The following TCTN3 variants were observed in gnomAD, a reference collection of about 807,000 sequenced individuals.
TCTN3 encodes the protein tectonic family member 3.
TCTN3 carries 57 observed loss-of-function variants against 71.3 expected under a neutral mutation model. That is an observed-to-expected ratio of 0.80 (90% CI 0.65 to 1.00). TCTN3 has a LOEUF of 1.00. TCTN3 is among the 50% of genes least tolerant of loss of function. The pLI is 0.00. For synonymous variants in TCTN3, 258 were observed against 267.8 expected (o/e 0.96, Z 0.36); for missense variants, 696 against 719.9 (o/e 0.97, Z 0.38).
rs972914705 is a variant in TCTN3 at position 95,693,545 on chromosome 10, C to T, written c.257-69G>A. ...ACTCTCCCAGGTGCTCACCCTCCTT[C>T]TTCCGACAGCCCCACTCCTGCTTTG... On this transcript the variant is annotated intron_variant, in intron 1 of 13. Transcript: ENST00000371217. 1.9e-6 allele frequency: 3 copies of T among 1,549,472 alleles called. No homozygotes were observed. The Admixed American group carries it at 5.9e-5, about 31-fold the overall frequency.
At chr10:95,693,081 G>C in intron 2 of TCTN3, 43 bp from the exon 3 acceptor site, 1 of 1,472,410 alleles carries the variant, frequency 6.8e-7, no homozygotes, top group Non-Finnish European at 9.3e-7. Flanking sequence ...AGAAGGGGCG[G>C]GGCAGGTCCA....
intron 13 of TCTN3, among the ~76,000 whole-genome samples, chr10:95,664,758 C>A (rs1395391783): frequency 6.6e-6 from 1 of 152,192 alleles, no homozygotes; most frequent in African/African-American, 2.4e-5. Context: ...CCACCACCCA[C>A]CAATTCATGC....
rs1176176598 is a variant in TCTN3, at chr10:95,663,553, A to T, written c.*514T>A. Reference sequence around the variant, plus strand: ...CTGAGGAGAAAGAACTGCTTTCCCCACTCGTGTCTGGGCAAAGGGTGTGCC... The same window carrying T: ...CTGAGGAGAAAGAACTGCTTTCCCCTCTCGTGTCTGGGCAAAGGGTGTGCC... On this transcript the variant is annotated 3_prime_UTR_variant, in exon 14 of 14. Coordinates refer to ENST00000371217, the MANE Select transcript of TCTN3 (RefSeq NM_015631.6). The T allele has an allele frequency of 1.3e-5, 2 of 153,332 alleles. No homozygotes were observed. Among genetic ancestry groups the T allele is most frequent in the Non-Finnish European group, 2.9e-5 (2 of 68,836 alleles). 9.5% of individuals were successfully genotyped at this position (153,332 alleles called of 1,614,324 possible).
intron 13 of TCTN3, among the ~76,000 whole-genome samples, chr10:95,671,844 C>T (rs1207976753): frequency 6.6e-6 from 1 of 152,150 alleles, no homozygotes; most frequent in Non-Finnish European, 1.5e-5. Context: ...GATCCGCCCG[C>T]CTTGGTCTCC....
chr10:95,664,108 A>G lies in TCTN3; in HGVS notation c.1783T>C (p.Cys595Arg). The change falls in exon 14 of 14, where the codon TGC becomes CGC. Residue 595 changes from cysteine to arginine, a missense_variant. Cys to Arg is a radical substitution (Grantham distance 180). Coordinates refer to ENST00000371217, the MANE Select transcript of TCTN3 (RefSeq NM_015631.6). The part of the protein sequence containing the change: ...KCSVSPILIL[C>R]LLLLGVLNLE... ...TTGAGAACTCCAAGTAGTAAGAGGC[A>G]CAGGATAAGGATGGGAGAGACTGAG... is the stretch of plus-strand genomic sequence containing the variant. 6.2e-7 allele frequency: 1 copy of G among 1,614,136 alleles called. No individual in the cohort carries two copies. Among genetic ancestry groups the G allele is most frequent in the Non-Finnish European group, 8.5e-7 (1 of 1,180,006 alleles).
rs201367852 is a variant in TCTN3 at position 95,680,493 on chromosome 10, T to A, written c.1569A>T (p.Leu523=). Residue 523 remains leucine (L), a synonymous_variant, in exon 13 of 14, where the codon CTA becomes CTT. Transcript: ENST00000371217. ...TTACCTGTATAGACTGGCACTGGTATAGGAATCGAACTCCTGATACATGAG... is the reference window on the plus strand; with the variant it reads ...TTACCTGTATAGACTGGCACTGGTAAAGGAATCGAACTCCTGATACATGAG... ...PQAHVSGVRF[L]YQCQSIQDSQ... The A allele has an allele frequency of 6.2e-7, 1 of 1,614,138 alleles. No homozygotes were observed. The highest frequency in any genetic ancestry group is 8.5e-7 in the Non-Finnish European group (1 of 1,179,998).
Position 95,693,782 on chromosome 10 carries a change from G to A in TCTN3, c.118C>T (p.Arg40Ter). ...TGGAGGGTTCCGCCATCCGTCCCTC[G>A]CTGCAGCTCCAAAGACGTGGGCACT... ...GAVPTSLELQ[R>*]GTDGGTLQSP... The change falls in exon 1 of 14, where the codon CGA becomes TGA. Residue 40 changes from arginine (R) to a stop codon, truncating the protein, a stop_gained. Transcript: ENST00000371217. LOFTEE classifies it high-confidence loss of function. The A allele has an allele frequency of 6.4e-7, 1 of 1,551,650 alleles. No individual in the cohort carries two copies. Among genetic ancestry groups the A allele is most frequent in the Non-Finnish European group, 8.7e-7 (1 of 1,146,982 alleles).
chr10:95,675,299 G>C (rs532889127), intron 13 of TCTN3, among the ~76,000 whole-genome samples: 12 of 152,102 alleles, frequency 7.9e-5, no homozygotes, highest in Admixed American at 7.2e-4. Context: ...TGCCGTTTTG[G>C]CCAGACCGGT....
chr10:95,665,267 C>A (rs559206161), intron 13 of TCTN3, among the ~76,000 whole-genome samples: 1 of 152,094 alleles, frequency 6.6e-6, no homozygotes, highest in African/African-American at 2.4e-5. Context: ...CACAACCACA[C>A]CTGGCTAAAT....
intron 7 of TCTN3, 115 bp from the exon 8 acceptor site, chr10:95,685,751 C>G (rs1246576397): frequency 1.5e-5 from 11 of 734,328 alleles, no homozygotes; most frequent in Non-Finnish European, 1.8e-5. Flanking sequence ...CACCCTCTCT[C>G]TCTCTTCTTC....
chr10:95,666,242 T>TTA (rs1437859744), intron 13 of TCTN3, among the ~76,000 whole-genome samples: 1 of 142,328 alleles, frequency 7.0e-6, no homozygotes, highest in Non-Finnish European at 1.6e-5. Context: ...TGCCCAGCCT[T>TTA]TTTTTTTTTT....
rs746046233 is a variant in TCTN3, at chr10:95,686,500, T to C, written c.883A>G (p.Met295Val). 7.4e-6 allele frequency: 12 copies of C among 1,614,010 alleles called. No homozygotes were observed. The Admixed American group carries it at 1.3e-4, about 18-fold the overall frequency. Reference protein sequence around the residue: ...VPRSMTDPQNMEFQVPVILTS... With the variant: ...VPRSMTDPQNVEFQVPVILTS... Reference sequence around the variant, plus strand: ...CTGGTACAACAGCATCATACCTCCATATTCTGTGGATCAGTCATGCTTCTT... The same window carrying C: ...CTGGTACAACAGCATCATACCTCCACATTCTGTGGATCAGTCATGCTTCTT... The change falls in exon 7 of 14, where the codon ATG (methionine) becomes GTG (valine). Residue 295 changes from methionine to valine, a missense_variant. Physicochemically the swap from Met to Val is conservative, Grantham distance 21 (BLOSUM62 1). Transcript: ENST00000371217.
Position 95,693,340 on chromosome 10 carries a change from C to T in TCTN3, c.380+13G>A, listed in dbSNP as rs1271153965. Reference sequence around the variant, plus strand: ...AAACCCCTTTAGGATTCAGTCTGAGCAACGAAGCTCACCTTACGCTGCCTG... The same window carrying T: ...AAACCCCTTTAGGATTCAGTCTGAGTAACGAAGCTCACCTTACGCTGCCTG... On this transcript the variant is annotated intron_variant, in intron 2 of 13. Transcript: ENST00000371217. 1 of 1,551,750 alleles carries T rather than the reference C, an allele frequency of 6.4e-7. No homozygotes were observed. The highest frequency in any genetic ancestry group is 2.4e-5 in the East Asian group (1 of 40,928).
At chr10:95,693,090 CA>C in intron 2 of TCTN3, 52 bp from the exon 3 acceptor site, 2 of 1,410,604 alleles carry the variant, frequency 1.4e-6, no homozygotes, top group Non-Finnish European at 2.0e-6. Flanking sequence ...GGGGCAGGTC[CA>C]AAAAAGAGTG....
intron 10 of TCTN3, 52 bp downstream of exon 10, chr10:95,683,470 T>G (rs1403735763): frequency 1.2e-6 from 2 of 1,614,002 alleles, no homozygotes; most frequent in Non-Finnish European, 1.7e-6. Flanking sequence ...TGAAAGCCTT[T>G]GCAGCTTTTC....
At chr10:95,677,755 T>C (rs1015802962) in intron 13 of TCTN3, among the ~76,000 whole-genome samples, 5 of 152,106 alleles carry the variant, frequency 3.3e-5, no homozygotes, top group Non-Finnish European at 7.4e-5. Context: ...CGGGTTGGCT[T>C]AGGTTGTATG....
At chr10:95,673,605 G>T (rs1476405299) in intron 13 of TCTN3, among the ~76,000 whole-genome samples, 1 of 151,968 alleles carries the variant, frequency 6.6e-6, no homozygotes, top group Non-Finnish European at 1.5e-5. Context: ...AACTTTGAGA[G>T]GCTAAGGTTG....
At chr10:95,671,851 C>A (rs2097931775) in intron 13 of TCTN3, among the ~76,000 whole-genome samples, 2 of 152,152 alleles carry the variant, frequency 1.3e-5, no homozygotes, top group South Asian at 4.1e-4. Context: ...CCGCCTTGGT[C>A]TCCCAAAGTG....
chr10:95,665,090 ACTCTC>A (rs1441180628), intron 13 of TCTN3, among the ~76,000 whole-genome samples: 1 of 151,966 alleles, frequency 6.6e-6, no homozygotes. Context: ...GCCTGGAATA[ACTCTC>A]CTAGGGACTG....
Sources: allele counts gnomAD v4.1 joint callset (sites outside exome capture counted in the v4.1 genomes callset), GRCh38; gene constraint gnomAD v4.1.1; transcripts MANE v1.5; gene names NCBI Gene and HGNC (gene_info 2026-07-23, HGNC 2026-07-21).